The following HDAC9 variants were observed in gnomAD, a reference collection of about 807,000 sequenced individuals.
HDAC9 encodes the protein MEF-2 interacting transcription repressor (MITR) protein.
HDAC9 carries 41 observed loss-of-function variants against 139.4 expected under a neutral mutation model. The observed-to-expected ratio is 0.29, with a 90% CI of 0.23 to 0.38. The LOEUF (loss-of-function observed/expected upper bound fraction) is 0.38. Among genes scored for constraint, HDAC9 ranks in the 10% least tolerant of loss-of-function variants. HDAC9 has a pLI of 1.00. For synonymous variants in HDAC9, 517 were observed against 476.2 expected (o/e 1.09, Z -1.12); for missense variants, 1,147 against 1,297.0 (o/e 0.88, Z 1.78).
intron 15 of HDAC9, among the ~76,000 whole-genome samples, chr7:18,765,950 T>C (rs1402395457): frequency 6.6e-6 from 1 of 152,192 alleles, no homozygotes; most frequent in Non-Finnish European, 1.5e-5. Context: ...TATATTTTTC[T>C]TTATCATCTT....
intron 17 of HDAC9, among the ~76,000 whole-genome samples, chr7:18,816,418 T>G (rs1794565670): frequency 6.6e-6 from 1 of 152,228 alleles, no homozygotes; most frequent in Non-Finnish European, 1.5e-5. Flanking sequence ...ACAGCAACTT[T>G]GAATGTGAGC....
chr7:18,136,371 C>G (rs988150993), intron 1 of HDAC9, among the ~76,000 whole-genome samples: 2 of 152,114 alleles, frequency 1.3e-5, no homozygotes, highest in South Asian at 4.1e-4. Context: ...GACATGAAGT[C>G]CTTGCCCATG....
intron 1 of HDAC9, among the ~76,000 whole-genome samples, chr7:18,358,516 G>C (rs1204115227): frequency 6.6e-6 from 1 of 152,152 alleles, no homozygotes; most frequent in Non-Finnish European, 1.5e-5. Context: ...TAAAAGCTGA[G>C]GCAATTTAAG....
At chr7:18,744,236 C>T (rs964204350) in intron 13 of HDAC9, among the ~76,000 whole-genome samples, 2 of 152,062 alleles carry the variant, frequency 1.3e-5, no homozygotes, top group Non-Finnish European at 2.9e-5. Flanking sequence ...TAGTGATCTG[C>T]CCGCCTTGGC....
intron 6 of HDAC9, among the ~76,000 whole-genome samples, chr7:18,624,219 C>G (rs970566574): frequency 2.0e-5 from 3 of 152,096 alleles, no homozygotes; most frequent in African/African-American, 7.2e-5. Context: ...ACCTGCCACC[C>G]TAAGTTTATT....
chr7:18,162,527 A>G, intron 2 of HDAC9: 1 of 599,720 alleles, frequency 1.7e-6, no homozygotes, highest in Non-Finnish European at 2.9e-6. Context: ...TGCTTAACCC[A>G]GTTTGCTTCC....
chr7:18,706,175 TTTTTTTTTTGCTTTA>T (rs1783897469), intron 12 of HDAC9, among the ~76,000 whole-genome samples: 1 of 147,062 alleles, frequency 6.8e-6, no homozygotes. Context: ...TTTTTTTTTT[TTTTTTTTTTGCTTTA>T]TTCTCCCTGA....
chr7:18,661,539 T>A (rs929403885), intron 11 of HDAC9, among the ~76,000 whole-genome samples: 14 of 152,230 alleles, frequency 9.2e-5, no homozygotes, highest in Admixed American at 2.0e-4. Context: ...TCTTTTTTTT[T>A]AAATCAAATT....
chr7:18,936,235 T>A (rs2129310333), intron 23 of HDAC9, among the ~76,000 whole-genome samples: 1 of 152,168 alleles, frequency 6.6e-6, no homozygotes, highest in Admixed American at 6.5e-5. Context: ...GAATAAGAAA[T>A]AAAACTTTAA....
chr7:18,699,458 A>G (rs922343510), intron 12 of HDAC9, among the ~76,000 whole-genome samples: 3 of 152,096 alleles, frequency 2.0e-5, no homozygotes, highest in African/African-American at 7.2e-5. Context: ...GCAATTTAAT[A>G]TGTTTCCAAT....
intron 21 of HDAC9, among the ~76,000 whole-genome samples, chr7:18,865,533 C>T (rs908142825): frequency 6.6e-6 from 1 of 152,188 alleles, no homozygotes; most frequent in Non-Finnish European, 1.5e-5. Flanking sequence ...GCTTAGCGCT[C>T]CTAGTGCTGA....
chr7:18,114,084 C>A (rs1783808592), intron 1 of HDAC9, among the ~76,000 whole-genome samples: 1 of 152,134 alleles, frequency 6.6e-6, no homozygotes, highest in South Asian at 2.1e-4. Context: ...TGTATGTTTT[C>A]AGAGTTATAA....
At chr7:18,628,414 G>C (rs1420829313) in intron 6 of HDAC9, among the ~76,000 whole-genome samples, 1 of 152,080 alleles carries the variant, frequency 6.6e-6, no homozygotes, top group African/African-American at 2.4e-5. Flanking sequence ...ATTTAGAATA[G>C]TACTGGAACA....
intron 24 of HDAC9, among the ~76,000 whole-genome samples, chr7:18,960,970 C>T (rs912962337): frequency 2.8e-4 from 43 of 152,292 alleles, no homozygotes; most frequent in African/African-American, 8.7e-4. Flanking sequence ...CAGATTGCAA[C>T]GTGTGCTGCA....
At chr7:18,307,388 G>A (rs1396947057) in intron 1 of HDAC9, among the ~76,000 whole-genome samples, 1 of 152,092 alleles carries the variant, frequency 6.6e-6, no homozygotes, top group Non-Finnish European at 1.5e-5. Flanking sequence ...GAAAATAATG[G>A]TAATTGTTCA....
intron 1 of HDAC9, among the ~76,000 whole-genome samples, chr7:18,356,477 G>A (rs1783313160): frequency 6.9e-6 from 1 of 145,958 alleles, no homozygotes; most frequent in Non-Finnish European, 1.5e-5. Flanking sequence ...CGACCTCACA[G>A]TGGAGGACCT....
At chr7:18,727,861 C>A (rs1003232646) in intron 13 of HDAC9, 104 bp downstream of exon 13, 3 of 936,144 alleles carry the variant, frequency 3.2e-6, no homozygotes, top group Admixed American at 4.1e-5. Flanking sequence ...CAGAACACTC[C>A]ATTTTAACCC....
At chr7:18,577,668 T>C (rs1012934650) in intron 2 of HDAC9, among the ~76,000 whole-genome samples, 4 of 152,248 alleles carry the variant, frequency 2.6e-5, no homozygotes, top group Middle Eastern at 3.4e-3. Context: ...AGCAGAGTAA[T>C]AGCATATGCT....
intron 22 of HDAC9, among the ~76,000 whole-genome samples, chr7:18,932,019 T>G (rs575321370): frequency 3.9e-5 from 6 of 152,284 alleles, no homozygotes; most frequent in African/African-American, 1.4e-4. Context: ...GGTACTGGCT[T>G]ATCAATCATA....
Sources: allele counts gnomAD v4.1 joint callset (sites outside exome capture counted in the v4.1 genomes callset), GRCh38; gene constraint gnomAD v4.1.1; transcripts MANE v1.5; gene names NCBI Gene and HGNC (gene_info 2026-07-23, HGNC 2026-07-21).